The following SLC24A3 variants were observed in gnomAD, a reference collection of about 807,000 sequenced individuals.
SLC24A3 encodes solute carrier family 24 member 3, also known as sodium/potassium/calcium exchanger 3.
SLC24A3 carries 28 observed loss-of-function variants against 75.8 expected under a neutral mutation model. The observed-to-expected ratio is 0.37, with a 90% CI of 0.27 to 0.51. The LOEUF is 0.51. Among genes scored for constraint, SLC24A3 ranks in the 20% least tolerant of loss-of-function variants. The pLI is 0.94. For missense variants in SLC24A3, 663 were observed against 847.8 expected, an observed-to-expected ratio of 0.78 and a Z score of 2.71; for synonymous variants, 372 against 334.1, an observed-to-expected ratio of 1.11 and a Z score of -1.24.
intron 1 of SLC24A3, among the ~76,000 whole-genome samples, chr20:19,276,021 C>T (rs1355689831): frequency 2.0e-5 from 3 of 152,164 alleles, no homozygotes; most frequent in Non-Finnish European, 4.4e-5. Flanking sequence ...TGACATTGCT[C>T]AAGTATAGCT....
chr20:19,344,219 T>A (rs1010585703), intron 2 of SLC24A3, among the ~76,000 whole-genome samples: 1 of 152,244 alleles, frequency 6.6e-6, no homozygotes, highest in African/African-American at 2.4e-5. Context: ...GTTTGTCTTC[T>A]TACTTTCCTT....
At chr20:19,324,969 C>T (rs1984804510) in intron 2 of SLC24A3, among the ~76,000 whole-genome samples, 1 of 151,094 alleles carries the variant, frequency 6.6e-6, no homozygotes, top group African/African-American at 2.4e-5. Flanking sequence ...AGAACCACAG[C>T]TCTGCTGTTA....
intron 7 of SLC24A3, among the ~76,000 whole-genome samples, chr20:19,658,742 T>C (rs1299261964): frequency 6.6e-6 from 1 of 152,120 alleles, no homozygotes; most frequent in African/African-American, 2.4e-5. Context: ...AAGACAGACA[T>C]CACCTTTTAA....
chr20:19,617,879 GC>G (rs1452292106), intron 6 of SLC24A3, among the ~76,000 whole-genome samples: 2 of 152,110 alleles, frequency 1.3e-5, no homozygotes, highest in Admixed American at 1.3e-4. Context: ...AGACTAAAGG[GC>G]CCTGGGACTT....
intron 1 of SLC24A3, among the ~76,000 whole-genome samples, chr20:19,270,081 C>G (rs78897933): frequency 1.3e-5 from 2 of 152,292 alleles, no homozygotes; most frequent in East Asian, 3.9e-4. Flanking sequence ...TTGCTTGGAG[C>G]TACTACACAA....
At chr20:19,513,360 T>C (rs1294161495) in intron 2 of SLC24A3, among the ~76,000 whole-genome samples, 1 of 152,206 alleles carries the variant, frequency 6.6e-6, no homozygotes, top group Non-Finnish European at 1.5e-5. Flanking sequence ...CCCCTTGGGT[T>C]CCTCATCTAC....
Position 19,580,111 on chromosome 20 carries a change from CTG to C in SLC24A3, c.423+38_423+39del, listed in dbSNP as rs765368842. On this transcript the variant is annotated intron_variant, in intron 4 of 16. Coordinates refer to ENST00000328041, the MANE Select transcript of SLC24A3 (RefSeq NM_020689.4). The stretch of plus-strand genomic sequence containing the variant: ...ACATTCTTGGTATGTGTGAGCCAGA[CTG>C]GGGACTGGACCTGTGCCCTGTACTG... 19 of 1,569,068 alleles carry C rather than the reference CTG, an allele frequency of 1.2e-5. No homozygotes were observed. In the South Asian group the frequency reaches 2.1e-4, roughly 17 times the overall value.
chr20:19,245,168 G>A (rs1275107408), intron 1 of SLC24A3, among the ~76,000 whole-genome samples: 3 of 152,074 alleles, frequency 2.0e-5, no homozygotes, highest in African/African-American at 4.8e-5. Context: ...ATATCTTATC[G>A]TGGACCTGCC....
At chr20:19,475,037 C>T (rs1987939110) in intron 2 of SLC24A3, among the ~76,000 whole-genome samples, 1 of 152,138 alleles carries the variant, frequency 6.6e-6, no homozygotes, top group South Asian at 2.1e-4. Flanking sequence ...AATACACACG[C>T]CCCATAAAAA....
At chr20:19,705,315 T>A (rs1471097105) in intron 15 of SLC24A3, among the ~76,000 whole-genome samples, 1 of 152,154 alleles carries the variant, frequency 6.6e-6, no homozygotes, top group Non-Finnish European at 1.5e-5. Context: ...CCTCTCTGGA[T>A]CCTTTGTTCA....
At chr20:19,321,458 A>C (rs1285761510) in intron 2 of SLC24A3, among the ~76,000 whole-genome samples, 3 of 152,200 alleles carry the variant, frequency 2.0e-5, no homozygotes, top group Non-Finnish European at 2.9e-5. Flanking sequence ...GAAGACAGTG[A>C]AAACATGTGA....
At chr20:19,414,160 C>T (rs1382516295) in intron 2 of SLC24A3, among the ~76,000 whole-genome samples, 3 of 152,034 alleles carry the variant, frequency 2.0e-5, no homozygotes, top group South Asian at 4.1e-4. Flanking sequence ...AAATGATGGT[C>T]GAAGAAAGGG....
At chr20:19,255,586 G>C (rs957650654) in intron 1 of SLC24A3, among the ~76,000 whole-genome samples, 5 of 152,166 alleles carry the variant, frequency 3.3e-5, no homozygotes. Flanking sequence ...CCATTAACTG[G>C]CACGTGGCCT....
chr20:19,469,509 C>G lies in SLC24A3; in HGVS notation c.272-45979C>G, dbSNP rs1478478990. ...CCCACAGTGCTAAGCAGGGAGCACT[C>G]CACGTAGCTGCATCCACTGTTGGGT... On this transcript the variant is annotated intron_variant, in intron 2 of 16. Coordinates refer to ENST00000328041, the MANE Select transcript of SLC24A3 (RefSeq NM_020689.4). Among the ~76,000 whole-genome samples the G allele has an allele frequency of 3.3e-5, 5 of 152,232 alleles. No individual in the cohort carries two copies. In the East Asian group the frequency reaches 5.8e-4, roughly 18 times the overall value.
intron 2 of SLC24A3, among the ~76,000 whole-genome samples, chr20:19,351,749 T>C (rs1430977492): frequency 6.6e-6 from 1 of 152,136 alleles, no homozygotes; most frequent in Non-Finnish European, 1.5e-5. Flanking sequence ...GGTGGTTAGT[T>C]TGAAGCAGGC....
At chr20:19,633,364 T>C (rs1037543050) in intron 6 of SLC24A3, among the ~76,000 whole-genome samples, 3 of 152,016 alleles carry the variant, frequency 2.0e-5, no homozygotes, top group Non-Finnish European at 4.4e-5. Flanking sequence ...AGAATGCCAG[T>C]CGTGGCCGGG....
At chr20:19,286,450 G>A (rs143896046) in intron 2 of SLC24A3, among the ~76,000 whole-genome samples, 1 of 152,182 alleles carries the variant, frequency 6.6e-6, no homozygotes, top group African/African-American at 2.4e-5. Flanking sequence ...TTTAAACTGT[G>A]ACATCAGAGT....
intron 2 of SLC24A3, among the ~76,000 whole-genome samples, chr20:19,351,577 C>T (rs921400288): frequency 6.6e-6 from 1 of 152,176 alleles, no homozygotes; most frequent in Non-Finnish European, 1.5e-5. Flanking sequence ...GTGTGTCCAA[C>T]AACAGGGTTA....
At chr20:19,294,102 A>G (rs1164655920) in intron 2 of SLC24A3, among the ~76,000 whole-genome samples, 1 of 152,230 alleles carries the variant, frequency 6.6e-6, no homozygotes, top group South Asian at 2.1e-4. Context: ...GATTCAATGT[A>G]GTACTTGAGA....
Sources: gnomAD v4.1 joint callset for allele counts (sites outside exome capture counted in the v4.1 genomes callset) on GRCh38, gnomAD v4.1.1 for gene constraint, MANE v1.5 for transcripts, NCBI Gene and HGNC (gene_info 2026-07-23, HGNC 2026-07-21) for gene names.